SCLT1: variants seen among roughly 807,000 people sequenced by gnomAD.
SCLT1 encodes the protein sodium channel-associated protein 1.
SCLT1 carries 78 observed loss-of-function variants against 112.8 expected under a neutral mutation model. That is an observed-to-expected ratio of 0.69 (90% CI 0.58 to 0.83). SCLT1 has a LOEUF of 0.83. SCLT1 is among the 40% of genes least tolerant of loss of function. SCLT1 has a pLI of 0.00. For missense variants in SCLT1, 747 were observed against 770.4 expected (o/e 0.97, Z 0.36); for synonymous variants, 257 against 254.7 (o/e 1.01, Z -0.09).
intron 9 of SCLT1, among the ~76,000 whole-genome samples, chr4:128,982,442 T>C (rs1037754781): frequency 6.6e-6 from 1 of 152,238 alleles, no homozygotes; most frequent in Non-Finnish European, 1.5e-5. Flanking sequence ...GGACAAATTA[T>C]AGGCTCCTTA....
At position 129,093,489 on chromosome 4, in the gene SCLT1, G is replaced by T. The variant is rs1296675174; in HGVS notation, c.-386C>A. The T allele has an allele frequency of 9.3e-6, 2 of 214,240 alleles. No individual in the cohort carries two copies. Among genetic ancestry groups the T allele is most frequent in the Non-Finnish European group, 1.9e-5 (2 of 106,838 alleles). The allele number at this position is 214,240 out of a possible 1,614,324, so 13.3% of individuals were successfully genotyped here. ...GTTCTACGCGGAGCGGCGGGGGTTG[G>T]AGAGGACAACGCCAAGACGGCTGGG... On this transcript the variant is annotated 5_prime_UTR_variant, in exon 1 of 21. Transcript: ENST00000281142.
rs115924008 is a variant in SCLT1 at position 128,970,428 on chromosome 4, C to T, written c.727G>A (p.Glu243Lys). The T allele has an allele frequency of 8.1e-4, 1,300 of 1,609,592 alleles. 10 individuals carry two copies. In the African/African-American group the frequency reaches 0.015, roughly 19 times the overall value. The change falls in exon 10 of 21, where the codon GAA (glutamate) becomes AAA (lysine). Residue 243 changes from glutamate (E) to lysine (K), a missense_variant. Physicochemically the swap from Glu to Lys is moderately conservative, Grantham distance 56 (BLOSUM62 1). Transcript: ENST00000281142. ...LELRVAVAKV[E>K]ELTNVTEDLQ... ...TCTTCAGTCACATTAGTTAACTCTT[C>T]CACTTTTGCTACAGCAACTCTCAGC...
chr4:128,960,691 C>T (rs957650358), intron 11 of SCLT1, among the ~76,000 whole-genome samples: 45 of 151,450 alleles, frequency 3.0e-4, no homozygotes, highest in Admixed American at 1.2e-3. Flanking sequence ...GAGGCCGAGG[C>T]GGGTGGATCA....
chr4:129,004,300 G>C (rs951785688), intron 5 of SCLT1, among the ~76,000 whole-genome samples: 1 of 152,044 alleles, frequency 6.6e-6, no homozygotes, highest in Non-Finnish European at 1.5e-5. Flanking sequence ...TCTTCAGCGT[G>C]TTTCACCAAA....
intron 9 of SCLT1, among the ~76,000 whole-genome samples, chr4:128,983,135 G>T (rs902834269): frequency 6.6e-6 from 1 of 152,100 alleles, no homozygotes; most frequent in Non-Finnish European, 1.5e-5. Flanking sequence ...TGATCCGCCC[G>T]CCTCAGCCTC....
intron 18 of SCLT1, among the ~76,000 whole-genome samples, chr4:128,923,210 C>T (rs1296514192): frequency 6.6e-6 from 1 of 152,044 alleles, no homozygotes; most frequent in East Asian, 1.9e-4. Context: ...CTTTGGGAGG[C>T]CGAGGCAGGT....
intron 5 of SCLT1, chr4:128,873,256 G>GAAAAAAAAAAAAAA (rs1296724284): frequency 8.8e-4 from 25 of 28,520 alleles, no homozygotes; most frequent in South Asian, 1.4e-3. Context: ...TAAGAAAAAG[G>GAAAAAAAAAAAAAA]AAAAAAAAAA....
At chr4:129,042,966 G>A (rs1028815036) in intron 4 of SCLT1, among the ~76,000 whole-genome samples, 3 of 152,042 alleles carry the variant, frequency 2.0e-5, no homozygotes, top group Non-Finnish European at 4.4e-5. Flanking sequence ...CCAGCTACTC[G>A]GGAGGCTGAG....
intron 2 of SCLT1, among the ~76,000 whole-genome samples, chr4:129,049,456 A>G (rs1379338994): frequency 1.6e-5 from 2 of 126,042 alleles, no homozygotes; most frequent in African/African-American, 3.0e-5. Context: ...AGGAAGGGGA[A>G]CATCACACTC....
intron 2 of SCLT1, among the ~76,000 whole-genome samples, chr4:129,076,582 C>A (rs1428687569): frequency 6.6e-6 from 1 of 151,834 alleles, no homozygotes; most frequent in East Asian, 1.9e-4. Context: ...TACCAAGAGA[C>A]CAAAGCACTA....
Position 128,957,917 on chromosome 4 carries a change from C to T in SCLT1, c.1048-793G>A, listed in dbSNP as rs192805002. Reference sequence around the variant, plus strand: ...TCCTATCTCACTGATCATTCCTCTTCAGTCTACATTGCTGATTCTTCCTCA... The same window carrying T: ...TCCTATCTCACTGATCATTCCTCTTTAGTCTACATTGCTGATTCTTCCTCA... On this transcript the variant is annotated intron_variant, in intron 12 of 20. Coordinates refer to ENST00000281142, the MANE Select transcript of SCLT1 (RefSeq NM_144643.4). Among the ~76,000 whole-genome samples, 121 of 152,296 alleles carry T rather than the reference C, an allele frequency of 7.9e-4. 1 individual carries two copies. In the Middle Eastern group the frequency reaches 0.031, roughly 39 times the overall value.
intron 12 of SCLT1, among the ~76,000 whole-genome samples, chr4:128,958,787 G>A (rs146956218): frequency 1.6e-4 from 24 of 152,174 alleles, no homozygotes; most frequent in African/African-American, 5.5e-4. Context: ...AAACACCTTA[G>A]CATCCCCACA....
intron 2 of SCLT1, among the ~76,000 whole-genome samples, chr4:129,059,815 A>G (rs1458332822): frequency 6.6e-6 from 1 of 152,158 alleles, no homozygotes; most frequent in African/African-American, 2.4e-5. Context: ...TGTCTGTAAT[A>G]TACCTCAGAA....
intron 18 of SCLT1, among the ~76,000 whole-genome samples, chr4:128,917,685 T>A (rs779548364): frequency 5.9e-5 from 9 of 152,176 alleles, no homozygotes; most frequent in Non-Finnish European, 1.0e-4. Flanking sequence ...TGTAAAAGCA[T>A]CAAACAGAGG....
At chr4:128,994,481 G>A (rs1742838952) in intron 8 of SCLT1, among the ~76,000 whole-genome samples, 1 of 152,160 alleles carries the variant, frequency 6.6e-6, no homozygotes, top group Admixed American at 6.6e-5. Context: ...GCACAGGAAT[G>A]CTAATATCTC....
chr4:128,911,441 T>C (rs1224521209), intron 18 of SCLT1, among the ~76,000 whole-genome samples: 1 of 152,142 alleles, frequency 6.6e-6, no homozygotes, highest in Non-Finnish European at 1.5e-5. Context: ...AAAGTAGTAG[T>C]AGCTAAGAGG....
At chr4:128,880,963 C>T (rs1219957498), downstream of SCLT1, among the ~76,000 whole-genome samples, 1 of 152,070 alleles carries the variant, frequency 6.6e-6, no homozygotes. Flanking sequence ...GAACGTGGGG[C>T]ACATGTGAGT....
chr4:128,888,080 T>C (rs757557179), intron 20 of SCLT1, among the ~76,000 whole-genome samples: 3 of 152,214 alleles, frequency 2.0e-5, no homozygotes, highest in Non-Finnish European at 4.4e-5. Context: ...CATACAGCTA[T>C]TGAGCACTTG....
chr4:128,966,927 G>A (rs565310219), intron 10 of SCLT1, among the ~76,000 whole-genome samples: 280 of 151,590 alleles, frequency 1.8e-3, no homozygotes, highest in Non-Finnish European at 3.1e-3. Context: ...ATTGTGTATC[G>A]GGGGTTTGGT....
Sources: gnomAD v4.1 joint callset for allele counts (sites outside exome capture counted in the v4.1 genomes callset) on GRCh38, gnomAD v4.1.1 for gene constraint, MANE v1.5 for transcripts, NCBI Gene and HGNC (gene_info 2026-07-23, HGNC 2026-07-21) for gene names.